Variants in GIGYF2 observed in about 807,000 individuals in gnomAD.
The protein encoded by GIGYF2 is GRB10-interacting GYF protein 2.
In GIGYF2, 25 loss-of-function variants were observed where a neutral mutation model predicts 208.1. That is an observed-to-expected ratio of 0.12 (90% CI 0.09 to 0.17). GIGYF2 has a LOEUF of 0.17. Ranked by LOEUF, GIGYF2 falls within the 10% of genes least tolerant of loss-of-function variation. The pLI is 1.00. For missense variants in GIGYF2, 1,302 were observed against 1,579.4 expected (o/e 0.82, Z 2.98); for synonymous variants, 534 against 543.8 (o/e 0.98, Z 0.25).
chr2:232,777,768 C>T lies in GIGYF2; in HGVS notation c.533-9382C>T, dbSNP rs571107073. Among the ~76,000 whole-genome samples the T allele has an allele frequency of 5.9e-5, 9 of 152,206 alleles. No individual in the cohort carries two copies. The South Asian group carries it at 1.9e-3, about 32-fold the overall frequency. ...AAAGAAGGATTTGTGGTGTGATGCT[C>T]ATTCCCTGCATGTACTGGTAGGAAT... On this transcript the variant is annotated intron_variant, in intron 8 of 28. Coordinates refer to ENST00000373563, the MANE Select transcript of GIGYF2 (RefSeq NM_001103146.3).
At chr2:232,757,774 C>G (rs927917440) in intron 6 of GIGYF2, among the ~76,000 whole-genome samples, 4 of 135,932 alleles carry the variant, frequency 2.9e-5, no homozygotes, top group African/African-American at 1.1e-4. Flanking sequence ...ACAGCACCCC[C>G]CGCCCCCCGC....
intron 8 of GIGYF2, among the ~76,000 whole-genome samples, chr2:232,765,141 A>G (rs1264708210): frequency 6.6e-6 from 1 of 152,202 alleles, no homozygotes; most frequent in Non-Finnish European, 1.5e-5. Context: ...AAAGATGCTC[A>G]CTTCAGGTTA....
In GIGYF2 at chr2:232,747,741, C is replaced by G; in HGVS notation, c.168C>G (p.Asn56Lys). The G allele has an allele frequency of 1.9e-6, 3 of 1,613,444 alleles. No individual in the cohort carries two copies. Among genetic ancestry groups the G allele is most frequent in the Non-Finnish European group, 2.5e-6 (3 of 1,179,636 alleles). The stretch of plus-strand genomic sequence containing the variant: ...TGTTAGCACTTTTCCTTAAAGACAA[C>G]AAGGTAAGAAAGTAGGAAAAGAGTT... ...EEMLALFLKD[N>K]KIPSDLLDKE... Residue 56 changes from asparagine to lysine, a missense_variant, in exon 4 of 29, where the codon AAC (asparagine) becomes AAG (lysine). Asn to Lys is a moderately conservative substitution (Grantham distance 94, BLOSUM62 0). Around this residue, in one of 8 missense-constraint regions of GIGYF2, gnomAD observed 189 missense variants for 257.7 expected, o/e 0.73. Transcript: ENST00000373563.
chr2:232,786,849 G>A (rs1032568186), intron 8 of GIGYF2, among the ~76,000 whole-genome samples: 1 of 152,104 alleles, frequency 6.6e-6, no homozygotes, highest in African/African-American at 2.4e-5. Context: ...CTTGGTGATG[G>A]TTCCTTCTGG....
chr2:232,751,649 G>A (rs553115883), intron 5 of GIGYF2, among the ~76,000 whole-genome samples: 4 of 151,848 alleles, frequency 2.6e-5, no homozygotes, highest in Admixed American at 6.6e-5. Flanking sequence ...TTCTTTAAAT[G>A]ATTTCCTAGA....
intron 2 of GIGYF2, among the ~76,000 whole-genome samples, chr2:232,730,559 C>T (rs948742912): frequency 6.9e-6 from 1 of 145,876 alleles, no homozygotes; most frequent in African/African-American, 2.6e-5. Context: ...GAGCCAAGAT[C>T]ATGCCACTGC....
At chr2:232,741,649 G>A (rs538056720) in intron 3 of GIGYF2, among the ~76,000 whole-genome samples, 1 of 151,858 alleles carries the variant, frequency 6.6e-6, no homozygotes, top group Non-Finnish European at 1.5e-5. Flanking sequence ...TTACCATATT[G>A]GCCAGGCTGG....
At chr2:232,775,004 AC>A (rs1433776122) in intron 8 of GIGYF2, among the ~76,000 whole-genome samples, 1 of 151,940 alleles carries the variant, frequency 6.6e-6, no homozygotes, top group African/African-American at 2.4e-5. Context: ...GCAACTAAAT[AC>A]ATGGAAAAAC....
At chr2:232,735,539 ATGTAAGTATAAT>A in intron 3 of GIGYF2, 1 of 340,324 alleles carries the variant, frequency 2.9e-6, no homozygotes, top group Non-Finnish European at 4.8e-6. Flanking sequence ...ATACAATTTT[ATGTAAGTATAAT>A]TATAACATTT....
At chr2:232,759,906 C>G (rs968053166) in intron 6 of GIGYF2, among the ~76,000 whole-genome samples, 1 of 152,084 alleles carries the variant, frequency 6.6e-6, no homozygotes, top group Non-Finnish European at 1.5e-5. Context: ...TGATACATTT[C>G]TTTTTAACTT....
intron 14 of GIGYF2, among the ~76,000 whole-genome samples, chr2:232,798,476 G>GA (rs1700291917): frequency 6.6e-6 from 1 of 152,198 alleles, no homozygotes; most frequent in Admixed American, 6.5e-5. Flanking sequence ...AGTTTTAAAA[G>GA]AAACTGCCAA....
At chr2:232,706,439 T>G (rs1230333816) in intron 2 of GIGYF2, among the ~76,000 whole-genome samples, 1 of 151,750 alleles carries the variant, frequency 6.6e-6, no homozygotes, top group African/African-American at 2.4e-5. Context: ...AGCCCAGGAG[T>G]TCAAAACTAG....
intron 3 of GIGYF2, among the ~76,000 whole-genome samples, chr2:232,737,882 G>C (rs1697800629): frequency 6.7e-6 from 1 of 150,178 alleles, no homozygotes; most frequent in Admixed American, 6.6e-5. Flanking sequence ...GGTAGGAACA[G>C]ACCATGAGTG....
chr2:232,754,518 T>G (rs1559405450), intron 5 of GIGYF2, among the ~76,000 whole-genome samples: 2 of 152,172 alleles, frequency 1.3e-5, no homozygotes, highest in Admixed American at 1.3e-4. Flanking sequence ...TGCATTTGAG[T>G]TTTATATATG....
intron 21 of GIGYF2, among the ~76,000 whole-genome samples, chr2:232,825,713 A>G (rs1169629402): frequency 1.3e-5 from 2 of 151,984 alleles, no homozygotes. Context: ...GATTGACTCC[A>G]ATTTTTTTTT....
chr2:232,811,044 A>G (rs1449066052), intron 16 of GIGYF2, 200 bp from the exon 17 acceptor site: 2 of 534,980 alleles, frequency 3.7e-6, no homozygotes, highest in South Asian at 2.1e-5. Flanking sequence ...CACGCCATCT[A>G]TGAGTTCAGT....
chr2:232,838,919 T>C (rs185910590), intron 22 of GIGYF2, among the ~76,000 whole-genome samples: 1 of 152,250 alleles, frequency 6.6e-6, no homozygotes, highest in East Asian at 1.9e-4. Context: ...GTTGAAGACA[T>C]TCATTTGAAG....
At chr2:232,794,721 G>C (rs771799485) in intron 12 of GIGYF2, 27 bp from the exon 13 acceptor site, 3 of 1,581,742 alleles carry the variant, frequency 1.9e-6, no homozygotes, top group Admixed American at 1.7e-5. Flanking sequence ...TATTTCAAAG[G>C]ATTTTCATCT....
At chr2:232,792,627 C>G (rs1478300893) in intron 12 of GIGYF2, among the ~76,000 whole-genome samples, 2 of 152,160 alleles carry the variant, frequency 1.3e-5, no homozygotes, top group Non-Finnish European at 2.9e-5. Flanking sequence ...CTATGTTGTT[C>G]AGGCTGGATC....
Sources: allele counts gnomAD v4.1 joint callset (sites outside exome capture counted in the v4.1 genomes callset), GRCh38; gene constraint gnomAD v4.1.1; regional missense constraint gnomAD v4.1.1; transcripts MANE v1.5; gene names NCBI Gene and HGNC (gene_info 2026-07-23, HGNC 2026-07-21).